Variants in CD109 observed in about 807,000 individuals in gnomAD.
The protein encoded by CD109 is CD109 molecule, also known as CD109 antigen.
CD109 carries 149 observed loss-of-function variants against 165.8 expected under a neutral mutation model. The observed-to-expected ratio is 0.90, with a 90% CI of 0.79 to 1.03. The LOEUF is 1.03. Ranked by LOEUF, CD109 falls within the 50% of genes least tolerant of loss-of-function variation. The pLI, the probability that CD109 is intolerant of heterozygous loss-of-function variation, is 0.00. For missense variants in CD109, 1,712 were observed against 1,677.8 expected, an observed-to-expected ratio of 1.02 and a Z score of -0.36; for synonymous variants, 585 against 592.1, an observed-to-expected ratio of 0.99 and a Z score of 0.18.
chr6:73,695,741 G>C (rs988902098), upstream of CD109: 3 of 174,712 alleles, frequency 1.7e-5, no homozygotes, highest in African/African-American at 7.2e-5. Context: ...CTAAAATTCT[G>C]ACTCATAGTC....
At chr6:73,779,755 T>C (rs1774406301) in intron 15 of CD109, among the ~76,000 whole-genome samples, 1 of 152,162 alleles carries the variant, frequency 6.6e-6, no homozygotes, top group Non-Finnish European at 1.5e-5. Flanking sequence ...GTGGAATTAC[T>C]GGGTCATATT....
At chr6:73,747,028 AT>A (rs1481799782) in intron 5 of CD109, among the ~76,000 whole-genome samples, 3 of 152,106 alleles carry the variant, frequency 2.0e-5, no homozygotes. Context: ...CCAGATTTGC[AT>A]GTGTTGCCTG....
intron 2 of CD109, among the ~76,000 whole-genome samples, chr6:73,710,211 A>G (rs1373239130): frequency 6.6e-6 from 1 of 152,180 alleles, no homozygotes; most frequent in Admixed American, 6.5e-5. Flanking sequence ...TCAGCCCAAA[A>G]TCTCCTTAAG....
Position 73,763,689 on chromosome 6 carries a change from A to G in CD109, c.1107+4A>G. 6.8e-7 allele frequency: 1 copy of G among 1,475,906 alleles called. No homozygotes were observed. Among genetic ancestry groups the G allele is most frequent in the South Asian group, 1.2e-5 (1 of 80,874 alleles). 91.4% of individuals were successfully genotyped at this position (1,475,906 alleles called of 1,614,324 possible). ...ATCTCTCAACTTCACAGCCACTGTA[A>G]GTTGGTATATTTATTTCCAGTCCAT... is the stretch of plus-strand genomic sequence containing the variant. On this transcript the variant is annotated splice_donor_region_variant and intron_variant, in intron 10 of 32. Transcript: ENST00000287097.
chr6:73,709,705 A>C (rs1195622357), intron 2 of CD109, among the ~76,000 whole-genome samples: 1 of 152,190 alleles, frequency 6.6e-6, no homozygotes, highest in East Asian at 1.9e-4. Flanking sequence ...AAATACCGGC[A>C]AACCAAATCC....
chr6:73,728,323 A>G (rs543292867), intron 3 of CD109, among the ~76,000 whole-genome samples: 105 of 152,240 alleles, frequency 6.9e-4, no homozygotes, highest in African/African-American at 2.4e-3. Context: ...ACAAAACAAA[A>G]CAAAACAAAA....
chr6:73,768,903 T>C (rs190863082), intron 14 of CD109, among the ~76,000 whole-genome samples: 1 of 152,354 alleles, frequency 6.6e-6, no homozygotes, highest in East Asian at 1.9e-4. Context: ...TGTAAAAAAT[T>C]ATTCCTTTAA....
intron 3 of CD109, among the ~76,000 whole-genome samples, chr6:73,725,504 CTT>C (rs386407559): frequency 0.047 from 4,166 of 89,174 alleles, 64 homozygotes; most frequent in Admixed American, 0.063. Flanking sequence ...TACTACACTT[CTT>C]TTTTTTTTTT....
chr6:73,682,683 T>C, the CD109 span, among the ~76,000 whole-genome samples: 105 of 152,384 alleles, frequency 6.9e-4, no homozygotes, highest in African/African-American at 2.4e-3. Context: ...CAGAGGTTCT[T>C]GCCCTAGCAG....
At position 73,813,154 on chromosome 6, in the gene CD109, G is replaced by A. The variant is rs149127034; in HGVS notation, c.3768+884G>A. Among the ~76,000 whole-genome samples the A allele has an allele frequency of 1.3e-4, 20 of 151,954 alleles. No individual in the cohort carries two copies. The East Asian group carries it at 3.9e-3, about 29-fold the overall frequency. On this transcript the variant is annotated intron_variant, in intron 29 of 32. Coordinates refer to ENST00000287097, the MANE Select transcript of CD109 (RefSeq NM_133493.5). Reference sequence around the variant, plus strand: ...ACAGTAAACATTTTTTAAAACTAAAGGAAAAATGATCACAATGAAAAGGAA... The same window carrying A: ...ACAGTAAACATTTTTTAAAACTAAAAGAAAAATGATCACAATGAAAAGGAA...
chr6:73,736,364 T>C lies in CD109; in HGVS notation c.508-19T>C. On this transcript the variant is annotated intron_variant, in intron 4 of 32. Transcript: ENST00000287097. The stretch of plus-strand genomic sequence containing the variant: ...CATGGGCAGCCTCTACATACTTACA[T>C]GTCTGGTTTTCATTTTAGGACCCCA... 2 of 1,612,562 alleles carry C rather than the reference T, an allele frequency of 1.2e-6. No individual in the cohort carries two copies. Among genetic ancestry groups the C allele is most frequent in the South Asian group, 1.1e-5 (1 of 90,852 alleles).
rs61429872 is a variant in CD109, at chr6:73,791,136, CATATAT to C, written c.2702-1454_2702-1449del. 7.4e-3 allele frequency among the ~76,000 whole-genome samples: 414 copies of C among 56,310 alleles called. 10 individuals are homozygous for C. The highest frequency in any genetic ancestry group is 0.026 in the African/African-American group (271 of 10,424). 36.9% of individuals were successfully genotyped at this position (56,310 alleles called of 152,430 possible). A position where few individuals can be genotyped will look rare whatever the true frequency, so the allele number is the denominator to read the frequency against. The stretch of plus-strand genomic sequence containing the variant: ...TTGGAGGCATATATATACATACATA[CATATAT>C]ATATATATATATATATATATATATA... On this transcript the variant is annotated intron_variant, in intron 22 of 32. Coordinates refer to ENST00000287097, the MANE Select transcript of CD109 (RefSeq NM_133493.5).
chr6:73,816,720 A>G (rs919826834), intron 30 of CD109, among the ~76,000 whole-genome samples: 1 of 152,204 alleles, frequency 6.6e-6, no homozygotes, highest in East Asian at 1.9e-4. Flanking sequence ...TACAGAAATT[A>G]ATGGAAACAA....
chr6:73,736,575 C>T, intron 5 of CD109, 67 bp downstream of exon 5: 1 of 1,388,998 alleles, frequency 7.2e-7, no homozygotes, highest in Non-Finnish European at 9.8e-7. Flanking sequence ...GGGGGAAAAT[C>T]TCCAAAGTCA....
rs1226947181 is a variant in CD109 at position 73,824,863 on chromosome 6, T to A, written c.*1230T>A. On this transcript the variant is annotated 3_prime_UTR_variant, in exon 33 of 33. Transcript: ENST00000287097. ...TTTCTTCTTTGCCTTCTAAATATACTGAAATGATTTAGATATGTGTCAACA... is the reference window on the plus strand; with the variant it reads ...TTTCTTCTTTGCCTTCTAAATATACAGAAATGATTTAGATATGTGTCAACA... 2 of 152,208 alleles carry A rather than the reference T, an allele frequency of 1.3e-5. No homozygotes were observed. The highest frequency in any genetic ancestry group is 2.9e-5 in the Non-Finnish European group (2 of 68,034). 9.4% of individuals were successfully genotyped at this position (152,208 alleles called of 1,614,324 possible). A position where few individuals can be genotyped will look rare whatever the true frequency, so the allele number is the denominator to read the frequency against.
chr6:73,767,955 C>G (rs1451581827), intron 13 of CD109, 100 bp from the exon 14 acceptor site: 3 of 987,068 alleles, frequency 3.0e-6, no homozygotes, highest in Non-Finnish European at 1.6e-6. Context: ...TGGTTTAATT[C>G]AAGAATTTGT....
intron 5 of CD109, among the ~76,000 whole-genome samples, chr6:73,741,891 G>A (rs1311129537): frequency 1.3e-5 from 2 of 152,094 alleles, no homozygotes; most frequent in East Asian, 1.9e-4. Context: ...GGCTGGGCTC[G>A]AACTCCTGAC....
In CD109 at chr6:73,762,898, A is replaced by C. The variant is rs1327068212; in HGVS notation, c.997+16A>C. On this transcript the variant is annotated intron_variant, in intron 9 of 32. Coordinates refer to ENST00000287097, the MANE Select transcript of CD109 (RefSeq NM_133493.5). Reference sequence around the variant, plus strand: ...TCAGTTACAGGTTTGTAGACTTTAAAGTGGAGGTAAAACTATTCATGTGAC... The same window carrying C: ...TCAGTTACAGGTTTGTAGACTTTAACGTGGAGGTAAAACTATTCATGTGAC... 3.8e-6 allele frequency: 6 copies of C among 1,592,840 alleles called. No individual in the cohort carries two copies. In the African/African-American group the frequency reaches 6.8e-5, roughly 18 times the overall value.
intron 5 of CD109, among the ~76,000 whole-genome samples, chr6:73,748,582 C>T (rs952609646): frequency 6.6e-5 from 10 of 152,186 alleles, no homozygotes; most frequent in South Asian, 6.2e-4. Context: ...GCCACTCAGG[C>T]GCAATGAATA....
Sources: allele counts gnomAD v4.1 joint callset (sites outside exome capture counted in the v4.1 genomes callset), GRCh38; gene constraint gnomAD v4.1.1; transcripts MANE v1.5; gene names NCBI Gene and HGNC (gene_info 2026-07-23, HGNC 2026-07-21).